STX8: variants seen among roughly 807,000 people sequenced by gnomAD.
STX8 encodes the protein syntaxin-8.
In STX8, 23 loss-of-function variants were observed where a neutral mutation model predicts 37.5. The ratio of observed to expected loss-of-function variants is 0.61; its 90% CI spans 0.44 to 0.87. The LOEUF is 0.87. Ranked by LOEUF, STX8 falls within the 40% of genes least tolerant of loss-of-function variation. STX8 has a pLI of 0.00. For missense variants in STX8, 313 were observed against 284.7 expected, an observed-to-expected ratio of 1.10 and a Z score of -0.71; for synonymous variants, 115 against 99.1, an observed-to-expected ratio of 1.16 and a Z score of -0.95.
intron 7 of STX8, among the ~76,000 whole-genome samples, chr17:9,288,184 A>G (rs1391758417): frequency 1.3e-5 from 1 of 78,068 alleles, no homozygotes; most frequent in South Asian, 3.6e-4. Flanking sequence ...CTTCCCCCTG[A>G]AAAAAAAAAA....
intron 6 of STX8, among the ~76,000 whole-genome samples, chr17:9,487,918 T>G (rs1906676641): frequency 1.3e-5 from 2 of 152,326 alleles, no homozygotes; most frequent in South Asian, 4.1e-4. Context: ...GTCTGCATAT[T>G]CAACAAGGGC....
intron 7 of STX8, among the ~76,000 whole-genome samples, chr17:9,359,169 A>G (rs1236202347): frequency 1.3e-5 from 2 of 151,868 alleles, no homozygotes; most frequent in Non-Finnish European, 1.5e-5. Flanking sequence ...CAGCCTCCCA[A>G]ATAGCTGGGA....
chr17:9,254,671 C>T (rs541574712), intron 7 of STX8, among the ~76,000 whole-genome samples: 1 of 152,258 alleles, frequency 6.6e-6, no homozygotes, highest in Non-Finnish European at 1.5e-5. Context: ...GCTGGGATTA[C>T]AGGCGTGAGC....
At chr17:9,293,765 CTT>C (rs541071064) in intron 7 of STX8, among the ~76,000 whole-genome samples, 30 of 144,888 alleles carry the variant, frequency 2.1e-4, no homozygotes, top group Non-Finnish European at 2.1e-4. Context: ...ATTTATAGTA[CTT>C]TTTTTTTTTT....
At chr17:9,474,257 T>A (rs535677751) in intron 6 of STX8, among the ~76,000 whole-genome samples, 4 of 152,154 alleles carry the variant, frequency 2.6e-5, no homozygotes, top group African/African-American at 4.8e-5. Flanking sequence ...CATTTGACTG[T>A]CCCCGAGTTG....
intron 6 of STX8, among the ~76,000 whole-genome samples, chr17:9,459,670 G>A (rs1056434960): frequency 3.9e-5 from 6 of 152,062 alleles, no homozygotes; most frequent in East Asian, 3.9e-4. Flanking sequence ...CACCCACCAC[G>A]ACGTCCAGCT....
intron 6 of STX8, among the ~76,000 whole-genome samples, chr17:9,404,719 C>T (rs981333178): frequency 2.0e-5 from 3 of 152,194 alleles, no homozygotes; most frequent in Non-Finnish European, 4.4e-5. Flanking sequence ...TCCCAAAGTG[C>T]TGGGATTACA....
At chr17:9,568,699 A>G (rs1225548994) in intron 1 of STX8, among the ~76,000 whole-genome samples, 1 of 152,082 alleles carries the variant, frequency 6.6e-6, no homozygotes, top group Non-Finnish European at 1.5e-5. Flanking sequence ...ATGAGGTTTC[A>G]CCGTGTTAGC....
At chr17:9,378,734 T>C in intron 6 of STX8, 81 bp from the exon 7 acceptor site, 1 of 1,071,680 alleles carries the variant, frequency 9.3e-7, no homozygotes, top group Non-Finnish European at 1.4e-6. Context: ...TTGTTCATCC[T>C]AGCAATAATG....
intron 6 of STX8, among the ~76,000 whole-genome samples, chr17:9,432,020 GAA>G (rs1914003729): frequency 6.6e-6 from 1 of 152,156 alleles, no homozygotes; most frequent in African/African-American, 2.4e-5. Context: ...TGTAATGGAT[GAA>G]AGAGTTACAC....
intron 7 of STX8, among the ~76,000 whole-genome samples, chr17:9,299,239 AT>A (rs952891804): frequency 6.6e-6 from 1 of 150,514 alleles, no homozygotes; most frequent in African/African-American, 2.5e-5. Flanking sequence ...AGTTTTCCAC[AT>A]TTTTTTTGTG....
chr17:9,331,252 A>G (rs1013892692), intron 7 of STX8, among the ~76,000 whole-genome samples: 3 of 152,204 alleles, frequency 2.0e-5, no homozygotes, highest in African/African-American at 7.2e-5. Flanking sequence ...CTGTTACGCA[A>G]CGATATTAAA....
At chr17:9,317,821 AC>A (rs1361209024) in intron 7 of STX8, among the ~76,000 whole-genome samples, 1 of 152,016 alleles carries the variant, frequency 6.6e-6, no homozygotes, top group African/African-American at 2.4e-5. Context: ...AATCAAGCAA[AC>A]TATCTCTGGG....
intron 5 of STX8, among the ~76,000 whole-genome samples, chr17:9,494,160 C>T (rs1252065366): frequency 3.3e-5 from 5 of 151,814 alleles, no homozygotes; most frequent in South Asian, 2.1e-4. Context: ...GGACTACAGG[C>T]GCCCGCCACC....
At chr17:9,520,688 C>CG (rs944595242) in intron 4 of STX8, among the ~76,000 whole-genome samples, 7 of 152,068 alleles carry the variant, frequency 4.6e-5, no homozygotes, top group South Asian at 2.1e-4. Context: ...ATGATAATAT[C>CG]GGGGGGGTGC....
chr17:9,317,450 A>C (rs2142199567), intron 7 of STX8, among the ~76,000 whole-genome samples: 1 of 152,280 alleles, frequency 6.6e-6, no homozygotes, highest in East Asian at 1.9e-4. Flanking sequence ...CAGGCAAATA[A>C]GTGTCTTATC....
At chr17:9,337,233 C>T (rs1440100827) in intron 7 of STX8, among the ~76,000 whole-genome samples, 1 of 152,182 alleles carries the variant, frequency 6.6e-6, no homozygotes, top group East Asian at 1.9e-4. Flanking sequence ...ATACAAAACA[C>T]TGCTTGAGTT....
chr17:9,390,121 G>A (rs1221841871), intron 6 of STX8, among the ~76,000 whole-genome samples: 1 of 152,108 alleles, frequency 6.6e-6, no homozygotes, highest in Non-Finnish European at 1.5e-5. Context: ...GGCCACACTC[G>A]CTCACACCTT....
intron 6 of STX8, among the ~76,000 whole-genome samples, chr17:9,381,575 C>CT (rs1387487531): frequency 1.3e-5 from 2 of 152,206 alleles, no homozygotes; most frequent in Non-Finnish European, 2.9e-5. Flanking sequence ...GTTTACATGT[C>CT]TTTAACAGGA....
Sources: allele counts gnomAD v4.1 joint callset (sites outside exome capture counted in the v4.1 genomes callset), GRCh38; gene constraint gnomAD v4.1.1; transcripts MANE v1.5; gene names NCBI Gene and HGNC (gene_info 2026-07-23, HGNC 2026-07-21).